Variants in ADAR observed in about 807,000 individuals in gnomAD.
The protein encoded by ADAR is double-stranded RNA-specific adenosine deaminase.
In ADAR, 41 loss-of-function variants were observed where a neutral mutation model predicts 113.2. The observed-to-expected ratio is 0.36, with a 90% CI of 0.28 to 0.47. The LOEUF is 0.47. ADAR is among the 20% of genes least tolerant of loss of function. The pLI, the probability that ADAR is intolerant of heterozygous loss-of-function variation, is 1.00. For synonymous variants in ADAR, 605 were observed against 572.6 expected (o/e 1.06, Z -0.81); for missense variants, 1,242 against 1,540.9 (o/e 0.81, Z 3.25).
chr1:154,600,580 T>C (rs937502934), intron 2 of ADAR: 1 of 217,152 alleles, frequency 4.6e-6, no homozygotes, highest in Non-Finnish European at 9.4e-6. Flanking sequence ...TTCAAGTGAT[T>C]CTCCTGTCTC....
At chr1:154,605,219 T>C (rs1361070931) in intron 1 of ADAR, among the ~76,000 whole-genome samples, 1 of 152,118 alleles carries the variant, frequency 6.6e-6, no homozygotes, top group Non-Finnish European at 1.5e-5. Flanking sequence ...AGGCCTATAA[T>C]CTTTCTATCC....
intron 1 of ADAR, among the ~76,000 whole-genome samples, chr1:154,606,820 T>G (rs1386828171): frequency 6.6e-6 from 1 of 152,066 alleles, no homozygotes; most frequent in Non-Finnish European, 1.5e-5. Context: ...GATCAAGAGA[T>G]AAGCACTACC....
intron 1 of ADAR, 50 bp from the exon 2 acceptor site, chr1:154,602,676 G>C (rs762154913): frequency 6.9e-6 from 11 of 1,602,692 alleles, no homozygotes; most frequent in Non-Finnish European, 7.6e-6. Context: ...CTGCAGTGGT[G>C]AACCTGTGGA....
Position 154,585,305 on chromosome 1 carries a change from C to T in ADAR, c.3355G>A (p.Gly1119Arg), listed in dbSNP as rs1335362518. ...TTGACGCTTGTCTCCTTAGTCTTCC[C>T]GGATTGCCTTTTGGAATCATATATG... ...VSIYDSKRQS[G>R]KTKETSVNWC... Residue 1119 changes from glycine to arginine, a missense_variant, in exon 14 of 15, where the codon GGG becomes AGG. Transcript: ENST00000368474. 1.9e-6 allele frequency: 3 copies of T among 1,614,044 alleles called. No homozygotes were observed. Among genetic ancestry groups the T allele is most frequent in the Non-Finnish European group, 1.7e-6 (2 of 1,180,034 alleles).
chr1:154,590,140 G>GGCCC, intron 7 of ADAR, 44 bp downstream of exon 7: 4 of 1,373,186 alleles, frequency 2.9e-6, no homozygotes, highest in South Asian at 1.2e-5. Context: ...GAGTTAGGAG[G>GGCCC]ACCCCCCCGC....
At chr1:154,595,263 G>A (rs528491528) in intron 6 of ADAR, among the ~76,000 whole-genome samples, 14 of 152,198 alleles carry the variant, frequency 9.2e-5, no homozygotes, top group African/African-American at 1.4e-4. Flanking sequence ...TTATTTCAGC[G>A]TATACTCCTT....
Position 154,585,821 on chromosome 1 carries a change from G to A in ADAR, c.3247C>T (p.Arg1083Cys). ...QGHLTRAICC[R>C]VTRDGSAFED... ...AATGCACTCCCATCTCTTGTCACAC[G>A]ACAGCAAATAGCACGGGTCAGATGC... The change falls in exon 13 of 15, where the codon CGT becomes TGT. Residue 1083 changes from arginine (R) to cysteine (C), a missense_variant. Arg to Cys is a radical substitution (Grantham distance 180, BLOSUM62 -3). This residue lies in a region of ADAR where 780 missense variants were observed against 1,057.9 expected (regional missense o/e 0.74). Transcript: ENST00000368474. 1 of 1,614,080 alleles carries A rather than the reference G, an allele frequency of 6.2e-7. No homozygotes were observed. The highest frequency in any genetic ancestry group is 8.5e-7 in the Non-Finnish European group (1 of 1,179,952).
intron 1 of ADAR, among the ~76,000 whole-genome samples, chr1:154,626,952 G>A (rs1698954991): frequency 6.6e-6 from 1 of 152,196 alleles, no homozygotes; most frequent in African/African-American, 2.4e-5. Context: ...CTGACAGTTT[G>A]ACGCCCCTGC....
chr1:154,602,155 C>A lies in ADAR; in HGVS notation c.487G>T (p.Gly163Trp), dbSNP rs762094056. Reference protein sequence around the residue: ...GKATTAHDLSGKLGTPKKEIN... With the variant: ...GKATTAHDLSWKLGTPKKEIN... The stretch of plus-strand genomic sequence containing the variant: ...TCTTTCTTCGGAGTCCCAAGTTTCC[C>A]AGACAGATCATGTGCTGTGGTGGCC... Residue 163 changes from glycine to tryptophan, a missense_variant, in exon 2 of 15, where the codon GGG (glycine) becomes TGG (tryptophan). By Grantham distance (184) the Gly-to-Trp change is radical. Around this residue, in one of 2 missense-constraint regions of ADAR, gnomAD observed 462 missense variants for 483.1 expected, o/e 0.96. Transcript: ENST00000368474. 3.7e-6 allele frequency: 6 copies of A among 1,614,230 alleles called. No individual in the cohort carries two copies. The highest frequency in any genetic ancestry group is 5.1e-6 in the Non-Finnish European group (6 of 1,180,046).
At chr1:154,627,962 G>C (rs752285086) in exon 1 of ADAR, 1 of 500,204 alleles carries the variant, frequency 2.0e-6, no homozygotes, top group Non-Finnish European at 3.9e-6. Context: ...ACCTTCAGTC[G>C]GGAATCAATG....
At chr1:154,626,848 CTG>C (rs1698950720) in intron 1 of ADAR, among the ~76,000 whole-genome samples, 1 of 152,196 alleles carries the variant, frequency 6.6e-6, no homozygotes, top group Non-Finnish European at 1.5e-5. Flanking sequence ...CAAGCACTAA[CTG>C]TTTGTAAATA....
At chr1:154,591,259 AG>A (rs11335288) in intron 6 of ADAR, among the ~76,000 whole-genome samples, 95,809 of 152,068 alleles carry the variant, frequency 0.63, 31,326 homozygotes, top group South Asian at 0.77. Context: ...CTTCTTAAGC[AG>A]AAATCAGAAG....
In ADAR at chr1:154,584,980, G is replaced by A. The variant is rs1410478087; in HGVS notation, c.3507C>T (p.Cys1169=). ...KNIFLLFKKL[C]SFRYRRDLLR... Reference sequence around the variant, plus strand: ...GTAGATCCCTGCGGTAACGGAAGGAGCAGAGCTTCTTAAATAGAAGAAAAA... The same window carrying A: ...GTAGATCCCTGCGGTAACGGAAGGAACAGAGCTTCTTAAATAGAAGAAAAA... The change falls in exon 15 of 15, where the codon TGC becomes TGT. Residue 1169 remains cysteine, a synonymous_variant. Coordinates refer to ENST00000368474, the MANE Select transcript of ADAR (RefSeq NM_001111.5). 4.3e-6 allele frequency: 7 copies of A among 1,614,194 alleles called. No individual in the cohort carries two copies. The highest frequency in any genetic ancestry group is 5.9e-6 in the Non-Finnish European group (7 of 1,180,042).
intron 2 of ADAR, chr1:154,600,224 A>C (rs1191055664): frequency 6.6e-6 from 1 of 152,254 alleles, no homozygotes; most frequent in East Asian, 1.9e-4. Context: ...CAGTGGCGCC[A>C]ATCTCGGCTC....
chr1:154,605,635 C>G (rs1698147172), intron 1 of ADAR, among the ~76,000 whole-genome samples: 1 of 152,118 alleles, frequency 6.6e-6, no homozygotes, highest in Non-Finnish European at 1.5e-5. Context: ...GCACTTGGCA[C>G]AAAGCTGATT....
intron 1 of ADAR, among the ~76,000 whole-genome samples, chr1:154,604,768 T>A (rs1698089453): frequency 6.6e-6 from 1 of 152,186 alleles, no homozygotes; most frequent in South Asian, 2.1e-4. Context: ...AAGGACCTCT[T>A]CTTCCTTTAT....
chr1:154,588,209 G>A lies in ADAR; in HGVS notation c.2935C>T (p.Arg979Cys), dbSNP rs369346345. Reference sequence around the variant, plus strand: ...CGGGATTCTGTGCTTTCCATAGCACGGTCGCTGCAGGACTTGTCAAAGAGG... The same window carrying A: ...CGGGATTCTGTGCTTTCCATAGCACAGTCGCTGCAGGACTTGTCAAAGAGG... Reference protein sequence around the residue: ...GALFDKSCSDRAMESTESRHY... With the variant: ...GALFDKSCSDCAMESTESRHY... Residue 979 changes from arginine (R) to cysteine (C), a missense_variant, in exon 11 of 15, where the codon CGT becomes TGT. Physicochemically the swap from Arg to Cys is radical, Grantham distance 180 (BLOSUM62 -3). This residue lies in a region of ADAR where 780 missense variants were observed against 1,057.9 expected (regional missense o/e 0.74). Coordinates refer to ENST00000368474, the MANE Select transcript of ADAR (RefSeq NM_001111.5). 113 of 1,613,806 alleles carry A rather than the reference G, an allele frequency of 7.0e-5. No homozygotes were observed. Among genetic ancestry groups the A allele is most frequent in the Non-Finnish European group, 8.9e-5 (105 of 1,180,006 alleles).
chr1:154,594,405 T>C (rs1016470162), intron 6 of ADAR, among the ~76,000 whole-genome samples: 1 of 152,180 alleles, frequency 6.6e-6, no homozygotes, highest in Non-Finnish European at 1.5e-5. Context: ...ACAGACAATC[T>C]TCACCTCTCC....
chr1:154,618,758 A>G (rs1194194774), intron 1 of ADAR, among the ~76,000 whole-genome samples: 1 of 152,214 alleles, frequency 6.6e-6, no homozygotes, highest in African/African-American at 2.4e-5. Flanking sequence ...TTATATTAAT[A>G]AGCCAAAACA....
Sources: allele counts gnomAD v4.1 joint callset (sites outside exome capture counted in the v4.1 genomes callset), GRCh38; gene constraint gnomAD v4.1.1; regional missense constraint gnomAD v4.1.1; transcripts MANE v1.5; gene names NCBI Gene and HGNC (gene_info 2026-07-23, HGNC 2026-07-21).